The following HLTF variants were observed in gnomAD, a reference collection of about 807,000 sequenced individuals.
The protein encoded by HLTF is DNA-dependent ATPase/E3 ubiquitin-protein ligase HLTF.
In HLTF, 127 loss-of-function variants were observed where a neutral mutation model predicts 129.4. The observed-to-expected ratio is 0.98, with a 90% confidence interval of 0.85 to 1.14. HLTF has a LOEUF of 1.14. Ranked by LOEUF, HLTF falls within the 50% of genes most tolerant of loss-of-function variation. HLTF has a pLI of 0.00. For synonymous variants in HLTF, 332 were observed against 388.8 expected (o/e 0.85, Z 1.72); for missense variants, 1,139 against 1,187.1 (o/e 0.96, Z 0.60).
At chr3:149,058,933 G>A (rs1032699675) in intron 13 of HLTF, among the ~76,000 whole-genome samples, 2 of 152,224 alleles carry the variant, frequency 1.3e-5, no homozygotes, top group Non-Finnish European at 2.9e-5. Context: ...TCTAAAATTA[G>A]GGTAAAGAAT....
chr3:149,047,459 T>C (rs1716636040), intron 17 of HLTF, among the ~76,000 whole-genome samples: 2 of 152,122 alleles, frequency 1.3e-5, no homozygotes, highest in Non-Finnish European at 2.9e-5. Flanking sequence ...CTGGCCAACA[T>C]GGCGAAACCC....
In HLTF at chr3:149,041,679, G is replaced by T; in HGVS notation, c.2198-11C>A. The stretch of plus-strand genomic sequence containing the variant: ...CAGGTGTATCATTTCCTAGAGAAAA[G>T]GCTGAAAAATTAATTTCAGAGCAAG... On this transcript the variant is annotated splice_polypyrimidine_tract_variant and intron_variant, in intron 19 of 24. Transcript: ENST00000310053. 6.3e-7 allele frequency: 1 copy of T among 1,588,182 alleles called. No homozygotes were observed. Among genetic ancestry groups the T allele is most frequent in the Non-Finnish European group, 8.6e-7 (1 of 1,160,640 alleles).
chr3:149,034,186 T>A (rs576062975), intron 24 of HLTF, among the ~76,000 whole-genome samples: 1 of 152,318 alleles, frequency 6.6e-6, no homozygotes, highest in East Asian at 1.9e-4. Flanking sequence ...TAAATCCTAT[T>A]TTGAAACCAA....
intron 18 of HLTF, among the ~76,000 whole-genome samples, chr3:149,045,806 A>G (rs1038728522): frequency 1.3e-5 from 2 of 152,208 alleles, no homozygotes; most frequent in Admixed American, 1.3e-4. Context: ...GATTTTGGAA[A>G]TAGAAGCAAG....
chr3:149,049,824 C>T (rs1425127878), intron 15 of HLTF, among the ~76,000 whole-genome samples: 1 of 152,114 alleles, frequency 6.6e-6, no homozygotes, highest in African/African-American at 2.4e-5. Context: ...GAAACCTCAT[C>T]TCTGCTGAAT....
chr3:149,057,420 C>T (rs376746077), intron 13 of HLTF, among the ~76,000 whole-genome samples: 1 of 151,404 alleles, frequency 6.6e-6, no homozygotes, highest in Non-Finnish European at 1.5e-5. Context: ...AGTGAGACTC[C>T]GTCTCAAAAC....
Position 149,046,195 on chromosome 3 carries a change from T to C in HLTF, c.1957A>G (p.Lys653Glu). 1 of 1,607,456 alleles carries C rather than the reference T, an allele frequency of 6.2e-7. No individual in the cohort carries two copies. The highest frequency in any genetic ancestry group is 2.2e-5 in the East Asian group (1 of 44,666). Reference protein sequence around the residue: ...RRTKTSKIKGKPVLELPERKV... With the variant: ...RRTKTSKIKGEPVLELPERKV... ...CGTTCTGGTAACTCCAAAACAGGTT[T>C]TCCTTTAATTTTGCTTGTCTTTGTT... is the stretch of plus-strand genomic sequence containing the variant. The change falls in exon 18 of 25, where the codon AAA (lysine) becomes GAA (glutamate). Residue 653 changes from lysine (K) to glutamate (E), a missense_variant. Physicochemically the swap from Lys to Glu is moderately conservative, Grantham distance 56. Coordinates refer to ENST00000310053, the MANE Select transcript of HLTF (RefSeq NM_003071.4).
intron 10 of HLTF, among the ~76,000 whole-genome samples, chr3:149,061,295 C>G (rs1461682832): frequency 6.6e-6 from 1 of 151,480 alleles, no homozygotes; most frequent in Non-Finnish European, 1.5e-5. Context: ...CCTGTAGTCC[C>G]AGCTACTCGG....
rs114493889 is a variant in HLTF, at chr3:149,043,349, G to A, written c.2073-1059C>T. Among the ~76,000 whole-genome samples the A allele has an allele frequency of 4.4e-3, 666 of 151,434 alleles. 7 individuals are homozygous for A. The highest frequency in any genetic ancestry group is 0.015 in the African/African-American group (640 of 41,364). ...TTAAACAAAAAAATGTAAAAGATCA[G>A]AAATAAAATGATACCTATGGAACAC... On this transcript the variant is annotated intron_variant, in intron 18 of 24. Coordinates refer to ENST00000310053, the MANE Select transcript of HLTF (RefSeq NM_003071.4).
Position 149,086,233 on chromosome 3 carries a change from A to C in HLTF, c.20+84T>G, listed in dbSNP as rs574693475. ...GCTGCACAAATCGCCCAGGGAACGC[A>C]GAGGAACGCGGGGAAGGTCAGGTTC... is the stretch of plus-strand genomic sequence containing the variant. On this transcript the variant is annotated intron_variant, in intron 1 of 24. Transcript: ENST00000310053. 1.2e-5 allele frequency: 17 copies of C among 1,389,900 alleles called. 1 individual carries two copies. In the African/African-American group the frequency reaches 2.1e-4, roughly 17 times the overall value. 86.1% of individuals were successfully genotyped at this position (1,389,900 alleles called of 1,614,324 possible). A position where few individuals can be genotyped will look rare whatever the true frequency, so the allele number is the denominator to read the frequency against.
chr3:149,055,249 C>T (rs777255078), intron 14 of HLTF, 54 bp downstream of exon 14: 111 of 1,260,762 alleles, frequency 8.8e-5, no homozygotes, highest in Non-Finnish European at 1.2e-4. Context: ...ATACTTTCTA[C>T]CTTGTAGATA....
chr3:149,045,426 G>A (rs868571009), intron 18 of HLTF, among the ~76,000 whole-genome samples: 1 of 152,064 alleles, frequency 6.6e-6, no homozygotes, highest in African/African-American at 2.4e-5. Flanking sequence ...AGGCATTTTT[G>A]TCTGTTTTAT....
rs747143495 is a variant in HLTF at position 149,059,817 on chromosome 3, C to T, written c.1286-10G>A. The T allele has an allele frequency of 2.5e-6, 4 of 1,568,926 alleles. No individual in the cohort carries two copies. In the African/African-American group the frequency reaches 5.5e-5, roughly 21 times the overall value. On this transcript the variant is annotated splice_polypyrimidine_tract_variant and intron_variant, in intron 12 of 24. Coordinates refer to ENST00000310053, the MANE Select transcript of HLTF (RefSeq NM_003071.4). ...ACCTTAGAAGATCCTGCTGATAAAACAACAAAGAATCTTAAATTTTTTTCA... is the reference window on the plus strand; with the variant it reads ...ACCTTAGAAGATCCTGCTGATAAAATAACAAAGAATCTTAAATTTTTTTCA...
At chr3:149,067,696 T>A (rs1463348691) in intron 8 of HLTF, among the ~76,000 whole-genome samples, 6 of 151,604 alleles carry the variant, frequency 4.0e-5, no homozygotes, top group South Asian at 2.1e-4. Context: ...GAAAAAAAAA[T>A]AATAATAATA....
chr3:149,040,177 T>C (rs1716009170), intron 20 of HLTF, 21 bp from the exon 21 acceptor site: 1 of 1,597,004 alleles, frequency 6.3e-7, no homozygotes, highest in African/African-American at 1.3e-5. Context: ...AAGAACGAAG[T>C]ATGAGCAACA....
At position 149,059,793 on chromosome 3, in the gene HLTF, C is replaced by G; in HGVS notation, c.1300G>C (p.Val434Leu). The change falls in exon 13 of 25, where the codon GTT becomes CTT. Residue 434 changes from valine (V) to leucine (L), a missense_variant. Transcript: ENST00000310053. ...KGRAKAGSSK[V>L]IEDVAFACAL... ...CATGCAAATGCCACATCTTCTATAACCTTAGAAGATCCTGCTGATAAAACA... is the reference window on the plus strand; with the variant it reads ...CATGCAAATGCCACATCTTCTATAAGCTTAGAAGATCCTGCTGATAAAACA... 6.3e-7 allele frequency: 1 copy of G among 1,590,886 alleles called. No homozygotes were observed.
chr3:149,064,871 G>A lies in HLTF; in HGVS notation c.991-5C>T. On this transcript the variant is annotated splice_polypyrimidine_tract_variant and splice_region_variant and intron_variant, in intron 8 of 24. Transcript: ENST00000310053. ...GTCATCGTTAACATTATATTCCTGG[G>A]TAAATAGGCATATTTCTTAAACAGT... The A allele has an allele frequency of 6.5e-7, 1 of 1,535,978 alleles. No homozygotes were observed. The highest frequency in any genetic ancestry group is 9.0e-7 in the Non-Finnish European group (1 of 1,111,282).
intron 3 of HLTF, among the ~76,000 whole-genome samples, chr3:149,074,662 C>G (rs1719187299): frequency 6.6e-6 from 1 of 152,048 alleles, no homozygotes; most frequent in Non-Finnish European, 1.5e-5. Flanking sequence ...TAGAGTTTGG[C>G]TAACGGAACC....
chr3:149,086,243 G>C (rs915222995), intron 1 of HLTF, 74 bp downstream of exon 1: 4 of 1,461,062 alleles, frequency 2.7e-6, no homozygotes, highest in Non-Finnish European at 3.8e-6. Flanking sequence ...AGAGGAACGC[G>C]GGGAAGGTCA....
Sources: allele counts gnomAD v4.1 joint callset (sites outside exome capture counted in the v4.1 genomes callset), GRCh38; gene constraint gnomAD v4.1.1; transcripts MANE v1.5; gene names NCBI Gene and HGNC (gene_info 2026-07-23, HGNC 2026-07-21).